The following SERGEF variants were observed in gnomAD, a reference collection of about 807,000 sequenced individuals.
SERGEF encodes the protein secretion regulating guanine nucleotide exchange factor.
In SERGEF, 51 loss-of-function variants were observed where a neutral mutation model predicts 50.0. That is an observed-to-expected ratio of 1.02 (90% CI 0.81 to 1.29). The LOEUF (loss-of-function observed/expected upper bound fraction) is 1.29, where lower values mean the gene tolerates loss of function less well. Ranked by LOEUF, SERGEF falls within the 50% of genes most tolerant of loss-of-function variation. The pLI is 0.00. For missense variants in SERGEF, 521 were observed against 557.0 expected (o/e 0.94, Z 0.65); for synonymous variants, 205 against 212.4 (o/e 0.97, Z 0.30).
intron 8 of SERGEF, among the ~76,000 whole-genome samples, chr11:17,972,802 C>T (rs1225470045): frequency 6.6e-6 from 1 of 152,032 alleles, no homozygotes; most frequent in Non-Finnish European, 1.5e-5. Context: ...CAGGTGATGT[C>T]CCCACGATTC....
intron 6 of SERGEF, among the ~76,000 whole-genome samples, chr11:17,994,475 C>CAAAAA (rs58280362): frequency 2.5e-4 from 16 of 63,710 alleles, no homozygotes; most frequent in South Asian, 1.6e-3. Context: ...GACTCTGTCT[C>CAAAAA]AAAAAAAAAA....
At chr11:17,790,686 T>C (rs1849471019) in intron 10 of SERGEF, among the ~76,000 whole-genome samples, 1 of 152,220 alleles carries the variant, frequency 6.6e-6, no homozygotes, top group South Asian at 2.1e-4. Flanking sequence ...GAGTCATGCA[T>C]GTATATGTAA....
chr11:17,868,891 G>C (rs1289338617), intron 10 of SERGEF, among the ~76,000 whole-genome samples: 1 of 152,130 alleles, frequency 6.6e-6, no homozygotes, highest in Non-Finnish European at 1.5e-5. Flanking sequence ...AGAAAGACCT[G>C]CTCCCATGAT....
At chr11:17,943,288 T>C (rs78143612) in intron 9 of SERGEF, among the ~76,000 whole-genome samples, 3,559 of 152,280 alleles carry the variant, frequency 0.023, 156 homozygotes, top group African/African-American at 0.082. Context: ...TATTTCAATT[T>C]CCTCTTGTGT....
chr11:17,952,423 G>A (rs79660493), intron 9 of SERGEF, among the ~76,000 whole-genome samples: 3,287 of 152,144 alleles, frequency 0.022, 110 homozygotes, highest in African/African-American at 0.073. Context: ...CTGAAAGAAA[G>A]AAAAGGTCTC....
intron 10 of SERGEF, among the ~76,000 whole-genome samples, chr11:17,800,667 T>C (rs772096530): frequency 1.3e-5 from 2 of 152,066 alleles, no homozygotes; most frequent in Non-Finnish European, 1.5e-5. Context: ...AAAAAAACAG[T>C]ATATGATTTA....
At chr11:17,968,548 A>T (rs7113422) in intron 8 of SERGEF, among the ~76,000 whole-genome samples, 3,375 of 151,996 alleles carry the variant, frequency 0.022, 112 homozygotes, top group African/African-American at 0.078. Flanking sequence ...CAAACAATTT[A>T]AAAAAAACTA....
rs1378864388 is a variant in SERGEF at position 17,991,718 on chromosome 11, C to T, written c.685+1213G>A. 6.6e-6 allele frequency among the ~76,000 whole-genome samples: 1 copy of T among 152,176 alleles called. No homozygotes were observed. Among genetic ancestry groups the T allele is most frequent in the Non-Finnish European group, 1.5e-5 (1 of 68,028 alleles). ...ATTAAATGACAAATTATCTGCAGCT[C>T]AGAATTTGCAAAGCATTTAAACTTT... is the stretch of plus-strand genomic sequence containing the variant. On this transcript the variant is annotated intron_variant, in intron 7 of 10. Transcript: ENST00000265965. The surrounding 1 kb of genome is among the most constrained non-coding windows in gnomAD (Gnocchi z 4.9).
At chr11:18,010,132 G>T (rs1416456088) in intron 1 of SERGEF, 2 of 1,247,264 alleles carry the variant, frequency 1.6e-6, no homozygotes, top group Admixed American at 4.7e-5. Context: ...GTTTGTTTTT[G>T]AAGACACCTG....
intron 10 of SERGEF, among the ~76,000 whole-genome samples, chr11:17,808,983 T>TA (rs1849817592): frequency 6.6e-6 from 1 of 152,244 alleles, no homozygotes; most frequent in Admixed American, 6.5e-5. Context: ...TCTAGGTTCC[T>TA]TGAAAATAGG....
At chr11:17,816,569 C>T (rs2237944) in intron 10 of SERGEF, among the ~76,000 whole-genome samples, 76,265 of 152,100 alleles carry the variant, frequency 0.5, 19,666 homozygotes, top group East Asian at 0.86. Flanking sequence ...TACTCCCCAA[C>T]GTGTTTAAGG....
chr11:18,002,309 C>T lies in SERGEF; in HGVS notation c.448-1752G>A, dbSNP rs151137344. ...TTGTTAGCAAGAGTTTCCTCAGTAA[C>T]CTTCCTTCAATCCATCTTCCTATCT... On this transcript the variant is annotated intron_variant, in intron 4 of 10. Coordinates refer to ENST00000265965, the MANE Select transcript of SERGEF (RefSeq NM_012139.4). Among the ~76,000 whole-genome samples, 718 of 152,198 alleles carry T rather than the reference C, an allele frequency of 4.7e-3. 8 individuals carry two copies. The highest frequency in any genetic ancestry group is 0.016 in the African/African-American group (666 of 41,530).
rs1849608476 is a variant in SERGEF, at chr11:17,798,571, T to G, written c.1049-10158A>C. On this transcript the variant is annotated intron_variant, in intron 10 of 10. Transcript: ENST00000265965. ...GCTGTGGCACGTTGGCTCCAGTGGG[T>G]GACTATTCTTAGATCTAGGGAGCTA... Among the ~76,000 whole-genome samples the G allele has an allele frequency of 2.6e-5, 4 of 152,202 alleles. No individual in the cohort carries two copies. The South Asian group carries it at 8.3e-4, about 32-fold the overall frequency.
intron 9 of SERGEF, among the ~76,000 whole-genome samples, chr11:17,907,415 G>A (rs1851869002): frequency 6.6e-6 from 1 of 152,096 alleles, no homozygotes; most frequent in Non-Finnish European, 1.5e-5. Context: ...ACCATGGAGG[G>A]GTCAGTTCTG....
At chr11:17,845,969 A>T (rs1850601165) in intron 10 of SERGEF, among the ~76,000 whole-genome samples, 1 of 152,172 alleles carries the variant, frequency 6.6e-6, no homozygotes, top group Non-Finnish European at 1.5e-5. Context: ...TGTTGAGTGA[A>T]TGAATGAACA....
intron 4 of SERGEF, 126 bp downstream of exon 4, chr11:18,004,315 A>G: frequency 5.0e-6 from 3 of 604,060 alleles, no homozygotes; most frequent in South Asian, 5.4e-5. Context: ...CTATTTTTCA[A>G]CTCAAATTCT....
intron 9 of SERGEF, among the ~76,000 whole-genome samples, chr11:17,953,425 T>C (rs578058355): frequency 6.6e-6 from 1 of 152,330 alleles, no homozygotes; most frequent in African/African-American, 2.4e-5. Context: ...TCATCATCAA[T>C]AGCCTTTGTA....
At chr11:17,877,735 A>G (rs1851263515) in intron 10 of SERGEF, 1 of 154,174 alleles carries the variant, frequency 6.5e-6, no homozygotes, top group Admixed American at 6.5e-5. Context: ...AGCCTCTATT[A>G]ACCAGAGGTT....
chr11:17,813,991 G>A (rs150323900), intron 10 of SERGEF, among the ~76,000 whole-genome samples: 6 of 152,298 alleles, frequency 3.9e-5, no homozygotes, highest in African/African-American at 1.4e-4. Flanking sequence ...GGTTCTAACA[G>A]CTTGTGGGCC....
Sources: gnomAD v4.1 joint callset for allele counts (sites outside exome capture counted in the v4.1 genomes callset) on GRCh38, gnomAD v4.1.1 for gene constraint, Gnocchi (gnomAD v3.1) non-coding constraint, MANE v1.5 for transcripts, NCBI Gene and HGNC (gene_info 2026-07-23, HGNC 2026-07-21) for gene names.